PLA2G5: variants seen among roughly 807,000 people sequenced by gnomAD.
PLA2G5 encodes the protein Ca2+-dependent phospholipase A2.
A neutral mutation model predicts 15.9 loss-of-function variants in PLA2G5; 12 were observed. The observed-to-expected ratio is 0.76, with a 90% CI of 0.48 to 1.23. The LOEUF (loss-of-function observed/expected upper bound fraction) is 1.23. Among genes scored for constraint, PLA2G5 ranks in the 50% most tolerant of loss-of-function variants. PLA2G5 has a pLI of 0.00. For synonymous variants in PLA2G5, 71 were observed against 71.4 expected, an observed-to-expected ratio of 0.99 and a Z score of 0.03; for missense variants, 169 against 177.1, an observed-to-expected ratio of 0.95 and a Z score of 0.26.
At chr1:20,039,214 C>T (rs1030972525) in intron 1 of PLA2G5, among the ~76,000 whole-genome samples, 3 of 152,170 alleles carry the variant, frequency 2.0e-5, no homozygotes, top group African/African-American at 4.8e-5. Flanking sequence ...GAGGAGAGGG[C>T]TTCTCTGAGA....
intron 1 of PLA2G5, among the ~76,000 whole-genome samples, chr1:20,083,041 T>C (rs2016111708): frequency 6.6e-6 from 1 of 151,992 alleles, no homozygotes; most frequent in South Asian, 2.1e-4. Context: ...AGGATAGTGC[T>C]TGGCACACCA....
upstream of PLA2G5, among the ~76,000 whole-genome samples, chr1:20,068,070 A>G (rs1230789276): frequency 6.6e-6 from 1 of 152,130 alleles, no homozygotes; most frequent in Non-Finnish European, 1.5e-5. Flanking sequence ...GTGAACCAAG[A>G]TCGTGCCATT....
chr1:20,057,997 A>G (rs147694171), intron 1 of PLA2G5, among the ~76,000 whole-genome samples: 3 of 152,196 alleles, frequency 2.0e-5, no homozygotes, highest in African/African-American at 7.2e-5. Context: ...CATGCATTGT[A>G]TGATTTCTAT....
At chr1:20,089,179 A>G (rs2016441424) in intron 3 of PLA2G5, among the ~76,000 whole-genome samples, 1 of 152,138 alleles carries the variant, frequency 6.6e-6, no homozygotes, top group Non-Finnish European at 1.5e-5. Flanking sequence ...TTGTTGTTGT[A>G]TTGTTTGGGA....
rs573972813 is a variant in PLA2G5 at position 20,090,374 on chromosome 1, G to A, written c.293-194G>A. Among the ~76,000 whole-genome samples, 37 of 152,260 alleles carry A rather than the reference G, an allele frequency of 2.4e-4. 1 individual carries two copies. In the South Asian group the frequency reaches 7.3e-3, roughly 30 times the overall value. ...GACTGGGAACTCCCTGAGGGCAGGAGCTGTCTCCTGCACTGAAACCTCACC... is the reference window on the plus strand; with the variant it reads ...GACTGGGAACTCCCTGAGGGCAGGAACTGTCTCCTGCACTGAAACCTCACC... On this transcript the variant is annotated intron_variant, in intron 4 of 4. Coordinates refer to ENST00000375108, the MANE Select transcript of PLA2G5 (RefSeq NM_000929.3).
At chr1:20,046,079 T>A (rs2013885986) in intron 1 of PLA2G5, 1 of 152,112 alleles carries the variant, frequency 6.6e-6, no homozygotes, top group Non-Finnish European at 1.5e-5. Context: ...GCAGGATGAG[T>A]TTGAGTTTCT....
chr1:20,040,592 ACACACACACAC>A (rs2013534013), intron 1 of PLA2G5, among the ~76,000 whole-genome samples: 1 of 152,016 alleles, frequency 6.6e-6, no homozygotes, highest in African/African-American at 2.4e-5. Flanking sequence ...ACACACACAC[ACACACACACAC>A]ACAAACACTC....
intron 1 of PLA2G5, among the ~76,000 whole-genome samples, chr1:20,040,174 T>C (rs1236406792): frequency 6.6e-6 from 1 of 152,222 alleles, no homozygotes; most frequent in Non-Finnish European, 1.5e-5. Flanking sequence ...ACTATACCCT[T>C]TGCTATAGTA....
At chr1:20,085,924 C>T (rs1339267700) in intron 2 of PLA2G5, among the ~76,000 whole-genome samples, 159 bp from the exon 3 acceptor site, 1 of 152,168 alleles carries the variant, frequency 6.6e-6, no homozygotes, top group Non-Finnish European at 1.5e-5. Context: ...GTTCTCCATA[C>T]TGCTTGCACC....
chr1:20,043,273 G>A (rs2013717383), intron 1 of PLA2G5, among the ~76,000 whole-genome samples: 1 of 152,212 alleles, frequency 6.6e-6, no homozygotes, highest in African/African-American at 2.4e-5. Context: ...GGTTGATAAG[G>A]TGGAGATCCT....
chr1:20,080,108 A>C (rs1173001429), intron 1 of PLA2G5, among the ~76,000 whole-genome samples: 1 of 152,140 alleles, frequency 6.6e-6, no homozygotes, highest in Non-Finnish European at 1.5e-5. Context: ...AAACAGGATA[A>C]AATCTGAGCA....
chr1:20,068,375 G>T (rs4525016), upstream of PLA2G5, among the ~76,000 whole-genome samples: 9,435 of 151,686 alleles, frequency 0.062, 483 homozygotes, highest in East Asian at 0.25. Flanking sequence ...TTACAGAGAG[G>T]CATGCAGGAC....
rs984066974 is a variant in PLA2G5 at position 20,080,306 on chromosome 1, A to G, written c.-10-4515A>G. Among the ~76,000 whole-genome samples the G allele has an allele frequency of 3.3e-5, 5 of 152,202 alleles. No homozygotes were observed. The South Asian group carries it at 1.0e-3, about 32-fold the overall frequency. ...TGGGCACTGTGACCTGCTTCAGAAA[A>G]CAGCTGCTTCTGTGGCAGTAATCCC... On this transcript the variant is annotated intron_variant, in intron 1 of 4. Coordinates refer to ENST00000375108, the MANE Select transcript of PLA2G5 (RefSeq NM_000929.3).
At chr1:20,035,031 C>T in intron 1 of PLA2G5, among the ~76,000 whole-genome samples, 1 of 152,104 alleles carries the variant, frequency 6.6e-6, no homozygotes, top group East Asian at 1.9e-4. Flanking sequence ...GTTTTTTCTG[C>T]TTGCTGCTTT....
chr1:20,080,030 GA>G (rs2015919014), intron 1 of PLA2G5, among the ~76,000 whole-genome samples: 1 of 152,176 alleles, frequency 6.6e-6, no homozygotes, highest in African/African-American at 2.4e-5. Flanking sequence ...AGAGGACGGG[GA>G]CAAAGCTGCA....
intron 2 of PLA2G5, among the ~76,000 whole-genome samples, chr1:20,059,925 G>A (rs1021114536): frequency 5.9e-5 from 9 of 152,104 alleles, no homozygotes; most frequent in Non-Finnish European, 1.0e-4. Flanking sequence ...ATCAGTTCTG[G>A]GATGTGACTC....
intron 1 of PLA2G5, among the ~76,000 whole-genome samples, chr1:20,040,362 CT>C (rs2013522234): frequency 6.6e-6 from 1 of 152,118 alleles, no homozygotes; most frequent in Non-Finnish European, 1.5e-5. Context: ...CATCATTTTG[CT>C]TTTGTTTTTG....
chr1:20,035,939 G>C (rs542049066), intron 1 of PLA2G5, among the ~76,000 whole-genome samples: 1 of 152,244 alleles, frequency 6.6e-6, no homozygotes, highest in Non-Finnish European at 1.5e-5. Flanking sequence ...CTTGGTAATG[G>C]CAAATTCTCT....
chr1:20,089,957 C>G, intron 4 of PLA2G5, 62 bp downstream of exon 4: 1 of 1,184,162 alleles, frequency 8.4e-7, no homozygotes, highest in Non-Finnish European at 1.2e-6. Context: ...TTCAGCTGCC[C>G]TAGAGAACAG....
Sources: gnomAD v4.1 joint callset for allele counts (sites outside exome capture counted in the v4.1 genomes callset) on GRCh38, gnomAD v4.1.1 for gene constraint, MANE v1.5 for transcripts, NCBI Gene and HGNC (gene_info 2026-07-23, HGNC 2026-07-21) for gene names.